The following ZMYM5 variants were observed in gnomAD, a reference collection of about 807,000 sequenced individuals.
ZMYM5 encodes zinc finger MYM-type protein 5.
In ZMYM5, 41 loss-of-function variants were observed where a neutral mutation model predicts 61.8. The ratio of observed to expected loss-of-function variants is 0.66; its 90% CI spans 0.52 to 0.86. ZMYM5 has a LOEUF of 0.86. Ranked by LOEUF, ZMYM5 falls within the 40% of genes least tolerant of loss-of-function variation. ZMYM5 has a pLI of 0.00. For synonymous variants in ZMYM5, 257 were observed against 276.4 expected (o/e 0.93, Z 0.70); for missense variants, 706 against 786.7 (o/e 0.90, Z 1.23).
chr13:19,851,263 C>T (rs1953282489), intron 4 of ZMYM5, 92 bp downstream of exon 4: 2 of 1,196,734 alleles, frequency 1.7e-6, no homozygotes, highest in Non-Finnish European at 2.4e-6. Flanking sequence ...AGCAAAGCCA[C>T]AGAATGTGAA....
At chr13:19,830,098 A>G (rs1891126621) in intron 7 of ZMYM5, among the ~76,000 whole-genome samples, 1 of 152,170 alleles carries the variant, frequency 6.6e-6, no homozygotes, top group African/African-American at 2.4e-5. Flanking sequence ...GTTTCTAGAC[A>G]TTGCCAAATG....
At chr13:19,863,010 G>A (rs1049797937) in intron 1 of ZMYM5, among the ~76,000 whole-genome samples, 5 of 152,228 alleles carry the variant, frequency 3.3e-5, no homozygotes, top group African/African-American at 1.2e-4. Context: ...ACCCAGCGGG[G>A]CAGAGGCAGA....
chr13:19,844,160 T>C (rs1012661786), intron 4 of ZMYM5, among the ~76,000 whole-genome samples: 1 of 144,984 alleles, frequency 6.9e-6, no homozygotes, highest in African/African-American at 2.6e-5. Flanking sequence ...AAAAAAAAAT[T>C]AGCTAGGTGT....
intron 2 of ZMYM5, among the ~76,000 whole-genome samples, chr13:19,856,932 C>T (rs186523277): frequency 0.01 from 1,537 of 152,172 alleles, 28 homozygotes; most frequent in African/African-American, 0.035. Flanking sequence ...CAGTGAAACC[C>T]CGCCTCTACT....
At chr13:19,837,509 T>C in intron 6 of ZMYM5, 147 bp downstream of exon 6, 1 of 1,598,676 alleles carries the variant, frequency 6.3e-7, no homozygotes, top group Non-Finnish European at 8.5e-7. Context: ...CATAAGATAG[T>C]TCTAACATAT....
chr13:19,840,700 G>A lies in ZMYM5; in HGVS notation c.587-1715C>T, dbSNP rs1048126917. ...CTTTTTTTTTTTAATTTTTTGAGACGGAGTCTCGCTCTGTCGCCCAGGCTG... is the reference window on the plus strand; with the variant it reads ...CTTTTTTTTTTTAATTTTTTGAGACAGAGTCTCGCTCTGTCGCCCAGGCTG... On this transcript the variant is annotated intron_variant, in intron 4 of 7. Transcript: ENST00000337963. 9.3e-5 allele frequency among the ~76,000 whole-genome samples: 14 copies of A among 150,538 alleles called. No homozygotes were observed. The East Asian group carries it at 1.2e-3, about 13-fold the overall frequency.
intron 4 of ZMYM5, among the ~76,000 whole-genome samples, chr13:19,848,394 C>A (rs1953161773): frequency 6.6e-6 from 1 of 152,134 alleles, no homozygotes; most frequent in Admixed American, 6.6e-5. Flanking sequence ...GATCCTCCTG[C>A]CTCAGCCTAC....
In ZMYM5 at chr13:19,835,491, TA is replaced by T. The variant is rs1207396733; in HGVS notation, c.1236del (p.Asn413ThrfsTer6). On this transcript the variant is annotated frameshift_variant, in exon 7 of 8. Coordinates refer to ENST00000337963, the MANE Select transcript of ZMYM5 (RefSeq NM_001142684.2). LOFTEE classifies it high-confidence loss of function. ...QQKRFCCQSCINEYKQMMETK... is the reference protein window; with the variant it reads ...QQKRFCCQSCXNEYKQMMETK... The stretch of plus-strand genomic sequence containing the variant: ...AAAAGAATTACCTGTTTATATTCGT[TA>T]ATACAACTTTGGCAGCAAAATCTCT... 2.2e-6 allele frequency: 3 copies of T among 1,367,372 alleles called. No individual in the cohort carries two copies. The highest frequency in any genetic ancestry group is 9.1e-5 in the East Asian group (2 of 22,002). The allele number at this position is 1,367,372 out of a possible 1,614,324, so 84.7% of individuals were successfully genotyped here.
In ZMYM5 at chr13:19,838,993, A is replaced by G. The variant is rs994473203; in HGVS notation, c.587-8T>C. The G allele has an allele frequency of 6.3e-6, 10 of 1,594,232 alleles. No individual in the cohort carries two copies. In the African/African-American group the frequency reaches 1.4e-4, roughly 22 times the overall value. On this transcript the variant is annotated splice_polypyrimidine_tract_variant and splice_region_variant and intron_variant, in intron 4 of 7. Coordinates refer to ENST00000337963, the MANE Select transcript of ZMYM5 (RefSeq NM_001142684.2). ...ACTGGGAGATCCAAGAATCTTAAAA[A>G]TGAAACAAGAAAAAAATCATGGAAC...
intron 7 of ZMYM5, among the ~76,000 whole-genome samples, chr13:19,829,248 T>C (rs986865714): frequency 6.6e-6 from 1 of 152,124 alleles, no homozygotes; most frequent in African/African-American, 2.4e-5. Flanking sequence ...TACAACCTTT[T>C]AAAATAAAAA....
In ZMYM5 at chr13:19,823,601, C is replaced by T. The variant is rs1890770959; in HGVS notation, c.*876G>A. The T allele has an allele frequency of 6.6e-6, 1 of 151,850 alleles. No individual in the cohort carries two copies. Among genetic ancestry groups the T allele is most frequent in the South Asian group, 2.1e-4 (1 of 4,810 alleles). 9.4% of individuals were successfully genotyped at this position (151,850 alleles called of 1,614,324 possible). On this transcript the variant is annotated 3_prime_UTR_variant, in exon 8 of 8. Coordinates refer to ENST00000337963, the MANE Select transcript of ZMYM5 (RefSeq NM_001142684.2). ...TTTACAAATTAAAATAAACATAAAA[C>T]CAATAAAATGGAAATTAACCATCAT...
rs1192405920 is a variant in ZMYM5, at chr13:19,863,640, G to C, written c.-269C>G. 6.6e-6 allele frequency: 1 copy of C among 152,448 alleles called. No individual in the cohort carries two copies. Among genetic ancestry groups the C allele is most frequent in the Non-Finnish European group, 1.5e-5 (1 of 68,168 alleles). 9.4% of individuals were successfully genotyped at this position (152,448 alleles called of 1,614,324 possible). On this transcript the variant is annotated 5_prime_UTR_variant, in exon 1 of 8. Coordinates refer to ENST00000337963, the MANE Select transcript of ZMYM5 (RefSeq NM_001142684.2). Reference sequence around the variant, plus strand: ...GGTCCAGTCCCGGCTTTTCGCGCTGGTGAGGAGGCGGAGAAGCAGGGGACG... The same window carrying C: ...GGTCCAGTCCCGGCTTTTCGCGCTGCTGAGGAGGCGGAGAAGCAGGGGACG...
intron 6 of ZMYM5, among the ~76,000 whole-genome samples, chr13:19,836,306 G>A (rs913055241): frequency 2.1e-5 from 3 of 145,184 alleles, no homozygotes; most frequent in Non-Finnish European, 3.0e-5. Flanking sequence ...TTGCTATGTT[G>A]CCCTGGGCTC....
Position 19,838,843 on chromosome 13 carries a change from A to C in ZMYM5, c.729T>G (p.Thr243=). 6.2e-7 allele frequency: 1 copy of C among 1,614,146 alleles called. No homozygotes were observed. Among genetic ancestry groups the C allele is most frequent in the Non-Finnish European group, 8.5e-7 (1 of 1,180,032 alleles). Residue 243 remains threonine, a synonymous_variant, in exon 5 of 8, where the codon ACT becomes ACG. Transcript: ENST00000337963. ...QQQLTKPAKI[T]CANCKKPLQK... ...GTAAAGGCTTTTTGCAATTTGCACA[A>C]GTGATTTTAGCTGGTTTAGTAAGTT... is the stretch of plus-strand genomic sequence containing the variant.
chr13:19,835,688 A>G lies in ZMYM5; in HGVS notation c.1040T>C (p.Ile347Thr). 1 of 1,366,930 alleles carries G rather than the reference A, an allele frequency of 7.3e-7. No homozygotes were observed. The allele number at this position is 1,366,930 out of a possible 1,614,324, so 84.7% of individuals were successfully genotyped here. ...RCTICSKLAEIRHEVSVNNVT... is the reference protein window; with the variant it reads ...RCTICSKLAETRHEVSVNNVT... ...ATTATTTACGCTGACTTCATGGCGAATCTAAAAGAAAAACCAGAATTCATT... is the reference window on the plus strand; with the variant it reads ...ATTATTTACGCTGACTTCATGGCGAGTCTAAAAGAAAAACCAGAATTCATT... Residue 347 changes from isoleucine (I) to threonine (T), a missense_variant and splice_region_variant, in exon 7 of 8, where the codon ATT (isoleucine) becomes ACT (threonine). Physicochemically the swap from Ile to Thr is moderately conservative, Grantham distance 89 (BLOSUM62 -1). Around this residue, in one of 2 missense-constraint regions of ZMYM5, gnomAD observed 480 missense variants for 461.7 expected, o/e 1.04. Transcript: ENST00000337963.
chr13:19,858,705 A>G (rs751660454), intron 2 of ZMYM5, among the ~76,000 whole-genome samples: 8 of 152,180 alleles, frequency 5.3e-5, no homozygotes, highest in Non-Finnish European at 1.2e-4. Flanking sequence ...AACAAAAGCA[A>G]TATGATTTTA....
intron 4 of ZMYM5, among the ~76,000 whole-genome samples, chr13:19,840,994 C>CA: frequency 7.3e-6 from 1 of 136,746 alleles, no homozygotes; most frequent in East Asian, 2.2e-4. Flanking sequence ...CCACTTTTTA[C>CA]TTTTTTTTTT....
intron 4 of ZMYM5, among the ~76,000 whole-genome samples, chr13:19,848,304 C>T (rs931318027): frequency 1.3e-5 from 2 of 151,790 alleles, no homozygotes; most frequent in Admixed American, 6.6e-5. Context: ...TTTTTGAGAC[C>T]GGGTCTCACT....
chr13:19,833,803 CAAAACAAAACATTAAGAAAATGA>C (rs1453450240), intron 7 of ZMYM5, among the ~76,000 whole-genome samples: 7 of 151,922 alleles, frequency 4.6e-5, no homozygotes, highest in Non-Finnish European at 1.0e-4. Context: ...ATTAGGAAAA[CAAAACAAAACATTAAGAAAATGA>C]AAAGACAAAT....
Sources: allele counts gnomAD v4.1 joint callset (sites outside exome capture counted in the v4.1 genomes callset), GRCh38; gene constraint gnomAD v4.1.1; regional missense constraint gnomAD v4.1.1; transcripts MANE v1.5; gene names NCBI Gene and HGNC (gene_info 2026-07-23, HGNC 2026-07-21).